Variants in PDE4D observed in about 807,000 individuals in gnomAD.
PDE4D encodes phosphodiesterase 4D.
PDE4D carries 24 observed loss-of-function variants against 87.4 expected under a neutral mutation model. The observed-to-expected ratio is 0.27, with a 90% confidence interval of 0.20 to 0.39. PDE4D has a LOEUF of 0.39. PDE4D is among the 10% of genes least tolerant of loss of function. The pLI, the probability that PDE4D is intolerant of heterozygous loss-of-function variation, is 1.00. For missense variants in PDE4D, 714 were observed against 1,041.0 expected (o/e 0.69, Z 4.32); for synonymous variants, 384 against 383.2 (o/e 1.00, Z -0.02).
At chr5:60,522,097 A>G (rs567488152) in exon 1 of PDE4D, 1 of 152,162 alleles carries the variant, frequency 6.6e-6, no homozygotes, top group Non-Finnish European at 1.5e-5. Context: ...TCAGCTTTGT[A>G]TGCTCTTCTT....
intron 1 of PDE4D, among the ~76,000 whole-genome samples, chr5:59,648,242 C>G (rs548783920): frequency 1.3e-5 from 2 of 152,270 alleles, no homozygotes; most frequent in South Asian, 4.1e-4. Flanking sequence ...TTTCAAGGAA[C>G]AAAGTGCTCA....
chr5:59,906,092 G>C (rs1752778702), intron 3 of PDE4D, among the ~76,000 whole-genome samples: 1 of 152,052 alleles, frequency 6.6e-6, no homozygotes, highest in African/African-American at 2.4e-5. Context: ...TTATGCGATG[G>C]CATTTGATAG....
intron 1 of PDE4D, among the ~76,000 whole-genome samples, chr5:59,825,342 A>G (rs1292050223): frequency 1.3e-5 from 2 of 152,238 alleles, no homozygotes; most frequent in African/African-American, 4.8e-5. Context: ...TTGCCTTCTC[A>G]TAGCACTCAT....
At chr5:59,868,541 C>A (rs920567006) in intron 1 of PDE4D, among the ~76,000 whole-genome samples, 1 of 152,108 alleles carries the variant, frequency 6.6e-6, no homozygotes, top group Admixed American at 6.6e-5. Flanking sequence ...CCTCTATGAG[C>A]CCCTTAGAAT....
At chr5:59,739,357 T>C (rs1447972838) in intron 1 of PDE4D, among the ~76,000 whole-genome samples, 1 of 151,902 alleles carries the variant, frequency 6.6e-6, no homozygotes, top group Non-Finnish European at 1.5e-5. Context: ...AAGGCAGAGG[T>C]TGCAATGAGC....
intron 1 of PDE4D, among the ~76,000 whole-genome samples, chr5:60,496,916 C>A (rs1749839476): frequency 1.3e-5 from 2 of 152,124 alleles, no homozygotes; most frequent in Admixed American, 1.3e-4. Flanking sequence ...AATAATTTTT[C>A]ACATTAATAT....
intron 1 of PDE4D, among the ~76,000 whole-genome samples, chr5:60,185,999 A>G (rs1784755742): frequency 1.3e-5 from 2 of 151,920 alleles, no homozygotes; most frequent in Admixed American, 6.6e-5. Flanking sequence ...ATGAAGATGC[A>G]AACTGAATTG....
chr5:60,016,525 T>C (rs547871851), intron 2 of PDE4D, among the ~76,000 whole-genome samples: 2 of 152,348 alleles, frequency 1.3e-5, no homozygotes, highest in South Asian at 2.1e-4. Flanking sequence ...ATAACATTTT[T>C]CCCTCAGTAT....
intron 1 of PDE4D, among the ~76,000 whole-genome samples, chr5:59,573,408 A>AC (rs1822212051): frequency 6.6e-6 from 1 of 151,742 alleles, no homozygotes; most frequent in Non-Finnish European, 1.5e-5. Flanking sequence ...TGGTCTTCCC[A>AC]CCCCTAGCAA....
At chr5:59,788,338 G>GAGCTGGGCACATAT (rs1258296315) in intron 1 of PDE4D, among the ~76,000 whole-genome samples, 11 of 152,162 alleles carry the variant, frequency 7.2e-5, no homozygotes, top group African/African-American at 2.7e-4. Context: ...TGGGCACATA[G>GAGCTGGGCACATAT]AGCTGAGCCC....
chr5:59,954,990 T>G (rs138144447), intron 3 of PDE4D, among the ~76,000 whole-genome samples: 92 of 152,326 alleles, frequency 6.0e-4, no homozygotes, highest in African/African-American at 1.9e-3. Context: ...AGGTTCATAA[T>G]TGCTAAAGTT....
chr5:59,844,082 G>A (rs1046432034), intron 1 of PDE4D, among the ~76,000 whole-genome samples: 23 of 152,018 alleles, frequency 1.5e-4, no homozygotes, highest in African/African-American at 4.3e-4. Flanking sequence ...CAGATCATGC[G>A]CAGCTAATTC....
intron 1 of PDE4D, among the ~76,000 whole-genome samples, chr5:59,474,419 T>C (rs547597620): frequency 1.3e-4 from 20 of 152,266 alleles, no homozygotes; most frequent in Admixed American, 1.0e-3. Flanking sequence ...CTTCTAGCTT[T>C]CCTTTTTCTG....
intron 1 of PDE4D, among the ~76,000 whole-genome samples, chr5:59,481,970 G>A (rs947929166): frequency 1.2e-4 from 18 of 152,004 alleles, no homozygotes; most frequent in Admixed American, 9.2e-4. Context: ...CCCCACTGCA[G>A]TCTGAATCAA....
At chr5:60,261,192 T>G (rs542229007) in intron 1 of PDE4D, among the ~76,000 whole-genome samples, 5 of 152,292 alleles carry the variant, frequency 3.3e-5, no homozygotes, top group African/African-American at 1.2e-4. Flanking sequence ...AGATTACATG[T>G]GCATTGTTCC....
At chr5:60,512,019 G>A (rs965377509) in intron 1 of PDE4D, among the ~76,000 whole-genome samples, 2 of 152,084 alleles carry the variant, frequency 1.3e-5, no homozygotes, top group Non-Finnish European at 2.9e-5. Flanking sequence ...GCTGAAAACT[G>A]ATACCCAAAA....
intron 1 of PDE4D, among the ~76,000 whole-genome samples, chr5:59,369,174 A>G (rs909675429): frequency 2.6e-5 from 4 of 152,200 alleles, no homozygotes; most frequent in African/African-American, 2.4e-5. Context: ...ATTGATGAGT[A>G]TCATTGTATT....
At chr5:60,046,540 C>T (rs1386851182) in intron 2 of PDE4D, among the ~76,000 whole-genome samples, 3 of 152,240 alleles carry the variant, frequency 2.0e-5, no homozygotes, top group Middle Eastern at 3.4e-3. Context: ...AAATACATCC[C>T]ATCAATACCT....
chr5:60,204,894 G>A (rs1435837512), intron 1 of PDE4D, among the ~76,000 whole-genome samples: 2 of 152,214 alleles, frequency 1.3e-5, no homozygotes, highest in Non-Finnish European at 2.9e-5. Flanking sequence ...GATGATAGCA[G>A]TACCAGCCTT....
Sources: gnomAD v4.1 joint callset for allele counts (sites outside exome capture counted in the v4.1 genomes callset) on GRCh38, gnomAD v4.1.1 for gene constraint, MANE v1.5 for transcripts, NCBI Gene and HGNC (gene_info 2026-07-23, HGNC 2026-07-21) for gene names.